SUMF1: variants seen among roughly 807,000 people sequenced by gnomAD.
The protein encoded by SUMF1 is sulfatase modifying factor 1, also known as formylglycine-generating enzyme.
In SUMF1, 48 loss-of-function variants were observed where a neutral mutation model predicts 47.6. That is an observed-to-expected ratio of 1.01 (90% CI 0.80 to 1.28). The LOEUF is 1.28. SUMF1 is among the 50% of genes most tolerant of loss of function. SUMF1 has a pLI of 0.00. For synonymous variants in SUMF1, 230 were observed against 192.1 expected (o/e 1.20, Z -1.63); for missense variants, 571 against 485.4 (o/e 1.18, Z -1.66).
At chr3:4,417,318 T>C in intron 5 of SUMF1, 76 bp from the exon 6 acceptor site, 1 of 1,190,226 alleles carries the variant, frequency 8.4e-7, no homozygotes. Context: ...AGGGATGCAA[T>C]GAAAAAGAGA....
intron 8 of SUMF1, among the ~76,000 whole-genome samples, chr3:4,276,287 T>A (rs1460368656): frequency 6.6e-6 from 1 of 152,210 alleles, no homozygotes; most frequent in African/African-American, 2.4e-5. Flanking sequence ...ACATTATGAA[T>A]ATGCATGTTG....
At chr3:4,406,513 C>G (rs1195111639) in intron 7 of SUMF1, among the ~76,000 whole-genome samples, 1 of 151,986 alleles carries the variant, frequency 6.6e-6, no homozygotes, top group Non-Finnish European at 1.5e-5. Context: ...AAAAAATTAG[C>G]TGGGTGTGGT....
rs141406712 is a variant in SUMF1, at chr3:4,183,521, T to C, written c.1015-114776A>G. On this transcript the variant is annotated intron_variant and NMD_transcript_variant, in intron 8 of 12. Transcript: ENST00000448413. ...AAAATTGATAGCGCTCATCAGATAATAATCTTGATGTATTTATTGCAGATT... is the reference window on the plus strand; with the variant it reads ...AAAATTGATAGCGCTCATCAGATAACAATCTTGATGTATTTATTGCAGATT... Among the ~76,000 whole-genome samples, 356 of 152,294 alleles carry C rather than the reference T, an allele frequency of 2.3e-3. 1 individual carries two copies. Among genetic ancestry groups the C allele is most frequent in the African/African-American group, 7.2e-3 (299 of 41,564 alleles).
chr3:4,361,742 C>A lies in SUMF1; in HGVS notation c.*402G>T. 1 of 243,496 alleles carries A rather than the reference C, an allele frequency of 4.1e-6. No homozygotes were observed. The highest frequency in any genetic ancestry group is 6.2e-5 in the South Asian group (1 of 16,180). The allele number at this position is 243,496 out of a possible 1,614,324, so 15.1% of individuals were successfully genotyped here. A position where few individuals can be genotyped will look rare whatever the true frequency, so the allele number is the denominator to read the frequency against. ...TTAGAACTGGTGAGTTGGAGAGACA[C>A]CCAGAGGTCATGCTGTCCATCCCTT... On this transcript the variant is annotated 3_prime_UTR_variant, in exon 9 of 9. Transcript: ENST00000272902.
chr3:4,188,234 G>A (rs540228193), intron 8 of SUMF1, among the ~76,000 whole-genome samples: 15 of 151,540 alleles, frequency 9.9e-5, no homozygotes, highest in East Asian at 5.8e-4. Flanking sequence ...GGAGTGCAAC[G>A]GGGTAATCTT....
intron 8 of SUMF1, among the ~76,000 whole-genome samples, chr3:4,240,833 A>G (rs1464536668): frequency 6.6e-6 from 1 of 151,890 alleles, no homozygotes; most frequent in Admixed American, 6.6e-5. Context: ...TATAATATGT[A>G]TTCATTTTAT....
chr3:4,142,766 C>A (rs368905027), intron 8 of SUMF1, among the ~76,000 whole-genome samples: 10 of 137,710 alleles, frequency 7.3e-5, no homozygotes, highest in African/African-American at 2.7e-4. Flanking sequence ...ACAGCCCTCA[C>A]ACACACCTCC....
At chr3:4,121,749 A>C (rs997139187) in intron 8 of SUMF1, among the ~76,000 whole-genome samples, 1 of 152,134 alleles carries the variant, frequency 6.6e-6, no homozygotes, top group Non-Finnish European at 1.5e-5. Context: ...TCAGGGGTAC[A>C]TGTGCAGGTT....
chr3:4,432,684 A>G (rs1702270920), intron 3 of SUMF1, among the ~76,000 whole-genome samples: 2 of 152,212 alleles, frequency 1.3e-5, no homozygotes, highest in Non-Finnish European at 2.9e-5. Flanking sequence ...ATCATTTTCT[A>G]TCCATTATTC....
intron 8 of SUMF1, among the ~76,000 whole-genome samples, chr3:4,125,516 A>G (rs565256284): frequency 5.4e-4 from 82 of 152,266 alleles, no homozygotes; most frequent in African/African-American, 1.9e-3. Flanking sequence ...GCTTTTTACC[A>G]TTAACTCACA....
At position 4,073,687 on chromosome 3, in the gene SUMF1, T is replaced by A. The variant is rs569249678; in HGVS notation, c.1015-4942A>T. On this transcript the variant is annotated intron_variant and NMD_transcript_variant, in intron 8 of 12. Coordinates refer to the SUMF1 transcript ENST00000448413. ...CAAAAACAAAAAGCAGGGGTTGCAA[T>A]CCTAGTCTCTGAGAAAACACACTTT... is the stretch of plus-strand genomic sequence containing the variant. Among the ~76,000 whole-genome samples, 405 of 152,222 alleles carry A rather than the reference T, an allele frequency of 2.7e-3. 2 individuals carry two copies. The highest frequency in any genetic ancestry group is 9.2e-3 in the African/African-American group (383 of 41,540).
At chr3:4,101,876 G>T (rs916135856) in intron 8 of SUMF1, among the ~76,000 whole-genome samples, 2 of 152,132 alleles carry the variant, frequency 1.3e-5, no homozygotes, top group Non-Finnish European at 2.9e-5. Context: ...AAGGAAAGAG[G>T]TTTAATTGAC....
intron 8 of SUMF1, among the ~76,000 whole-genome samples, chr3:4,363,573 C>T (rs6796505): frequency 0.63 from 95,474 of 150,832 alleles, 31,036 homozygotes; most frequent in East Asian, 0.76. Flanking sequence ...ACATTGATTT[C>T]GTATCCTGAG....
Position 4,104,114 on chromosome 3 carries a change from T to C in SUMF1, c.1015-35369A>G, listed in dbSNP as rs569390153. ...TCATCTTGAATTGTAGCTCCCATTA[T>C]TCCCACATGTTGTGGCAGGGACCTA... On this transcript the variant is annotated intron_variant and NMD_transcript_variant, in intron 8 of 12. Transcript: ENST00000448413. 3.3e-5 allele frequency among the ~76,000 whole-genome samples: 5 copies of C among 152,290 alleles called. No individual in the cohort carries two copies. In the South Asian group the frequency reaches 1.0e-3, roughly 32 times the overall value.
At chr3:4,398,534 C>G (rs946285391) in intron 7 of SUMF1, among the ~76,000 whole-genome samples, 1 of 152,092 alleles carries the variant, frequency 6.6e-6, no homozygotes, top group Non-Finnish European at 1.5e-5. Context: ...GGGGAAGTCA[C>G]TAAAAGTAAG....
At chr3:4,101,810 GT>G (rs1298393380) in intron 8 of SUMF1, among the ~76,000 whole-genome samples, 1 of 152,066 alleles carries the variant, frequency 6.6e-6, no homozygotes, top group Admixed American at 6.6e-5. Flanking sequence ...GCTATTTACT[GT>G]ATTATTTCAT....
At chr3:4,176,629 A>G (rs1694970931) in intron 8 of SUMF1, among the ~76,000 whole-genome samples, 1 of 152,210 alleles carries the variant, frequency 6.6e-6, no homozygotes, top group Non-Finnish European at 1.5e-5. Flanking sequence ...AACTACATCA[A>G]TTAACAGGCA....
At chr3:4,462,402 T>G (rs181696426) in intron 1 of SUMF1, among the ~76,000 whole-genome samples, 41 of 152,302 alleles carry the variant, frequency 2.7e-4, no homozygotes, top group African/African-American at 8.9e-4. Flanking sequence ...AGCCAAGAGA[T>G]AGCCAAAGAG....
At chr3:4,162,158 G>A (rs1694592374) in intron 8 of SUMF1, among the ~76,000 whole-genome samples, 1 of 152,046 alleles carries the variant, frequency 6.6e-6, no homozygotes, top group South Asian at 2.1e-4. Flanking sequence ...GCCCTATCCT[G>A]TTGTGGCTGA....
Sources: allele counts gnomAD v4.1 joint callset (sites outside exome capture counted in the v4.1 genomes callset), GRCh38; gene constraint gnomAD v4.1.1; transcripts MANE v1.5; gene names NCBI Gene and HGNC (gene_info 2026-07-23, HGNC 2026-07-21).